Variants in FBXW8 observed in about 807,000 individuals in gnomAD.
FBXW8 encodes F-box/WD repeat-containing protein 8.
FBXW8 carries 57 observed loss-of-function variants against 65.3 expected under a neutral mutation model. The observed-to-expected ratio is 0.87, with a 90% confidence interval of 0.71 to 1.09. The LOEUF (loss-of-function observed/expected upper bound fraction) is 1.09. Among genes scored for constraint, FBXW8 ranks in the 50% least tolerant of loss-of-function variants. The pLI, the probability that FBXW8 is intolerant of heterozygous loss-of-function variation, is 0.00. For missense variants in FBXW8, 777 were observed against 814.8 expected, an observed-to-expected ratio of 0.95 and a Z score of 0.57; for synonymous variants, 308 against 330.2, an observed-to-expected ratio of 0.93 and a Z score of 0.73.
At chr12:117,022,423 G>C (rs1457898598) in intron 8 of FBXW8, among the ~76,000 whole-genome samples, 1 of 151,392 alleles carries the variant, frequency 6.6e-6, no homozygotes, top group Non-Finnish European at 1.5e-5. Flanking sequence ...AGGAGGCTGA[G>C]GTGGGTAGAT....
chr12:117,027,730 G>C (rs1469947592), intron 10 of FBXW8, among the ~76,000 whole-genome samples: 1 of 152,246 alleles, frequency 6.6e-6, no homozygotes. Context: ...GCTGTACAGA[G>C]AGGGAGGGCA....
chr12:116,917,258 A>C (rs1880502874), intron 1 of FBXW8, among the ~76,000 whole-genome samples: 1 of 152,226 alleles, frequency 6.6e-6, no homozygotes, highest in Non-Finnish European at 1.5e-5. Flanking sequence ...AGGTTAAACA[A>C]AACCTGTCAG....
chr12:117,012,108 G>C (rs1447369740), intron 8 of FBXW8, among the ~76,000 whole-genome samples: 1 of 152,102 alleles, frequency 6.6e-6, no homozygotes. Flanking sequence ...CCAATCCCCT[G>C]TGGATACTGA....
At chr12:116,929,478 A>C (rs1400386958) in intron 2 of FBXW8, among the ~76,000 whole-genome samples, 1 of 147,248 alleles carries the variant, frequency 6.8e-6, no homozygotes, top group African/African-American at 2.5e-5. Context: ...CAAGTAATCC[A>C]CCCACCTCAG....
At chr12:116,963,394 G>T (rs1884108877) in intron 4 of FBXW8, among the ~76,000 whole-genome samples, 1 of 152,090 alleles carries the variant, frequency 6.6e-6, no homozygotes, top group Admixed American at 6.5e-5. Context: ...ATCACTTGAG[G>T]CCAGGAGTTC....
intron 5 of FBXW8, among the ~76,000 whole-genome samples, chr12:116,965,402 AG>A (rs1437938086): frequency 6.6e-6 from 1 of 152,236 alleles, no homozygotes; most frequent in Non-Finnish European, 1.5e-5. Context: ...TTTTGGAACT[AG>A]GTACGAATAG....
intron 7 of FBXW8, among the ~76,000 whole-genome samples, chr12:116,992,650 G>A (rs1953272138): frequency 6.6e-6 from 1 of 152,090 alleles, no homozygotes; most frequent in Non-Finnish European, 1.5e-5. Context: ...AGAACATGCT[G>A]TATTTAGTTT....
chr12:116,993,225 T>A (rs1038737848), intron 7 of FBXW8, among the ~76,000 whole-genome samples: 2 of 143,946 alleles, frequency 1.4e-5, no homozygotes, highest in African/African-American at 5.1e-5. Context: ...AGCCTTAGCC[T>A]CCCGAGTAGC....
chr12:116,942,814 G>A, intron 2 of FBXW8, among the ~76,000 whole-genome samples: 1 of 104,676 alleles, frequency 9.6e-6, no homozygotes, highest in African/African-American at 3.8e-5. Flanking sequence ...GTCTCACTCT[G>A]TTGCCCAGGC....
intron 5 of FBXW8, among the ~76,000 whole-genome samples, chr12:116,976,873 C>G (rs1027734770): frequency 1.3e-5 from 2 of 152,074 alleles, no homozygotes; most frequent in Non-Finnish European, 2.9e-5. Flanking sequence ...GAAAGGCAGG[C>G]CTTGTTTTTC....
chr12:116,911,015 G>C lies in FBXW8; in HGVS notation c.-23G>C. ...GGCACCCGGTGGAACCGAGGAGAAC[G>C]TGGAGCGCCGGGAGCGGCGAATATG... On this transcript the variant is annotated 5_prime_UTR_variant, in exon 1 of 11. Coordinates refer to ENST00000652555, the MANE Select transcript of FBXW8 (RefSeq NM_153348.3). The C allele has an allele frequency of 1.4e-6, 2 of 1,388,634 alleles. No homozygotes were observed. Among genetic ancestry groups the C allele is most frequent in the Non-Finnish European group, 9.3e-7 (1 of 1,077,690 alleles). 86.0% of individuals were successfully genotyped at this position (1,388,634 alleles called of 1,614,324 possible). A position where few individuals can be genotyped will look rare whatever the true frequency, so the allele number is the denominator to read the frequency against.
chr12:116,985,327 TTTTG>T lies in FBXW8; in HGVS notation c.958_961del (p.Phe320MetfsTer3). 1 of 1,614,234 alleles carries T rather than the reference TTTTG, an allele frequency of 6.2e-7. No individual in the cohort carries two copies. Among genetic ancestry groups the T allele is most frequent in the Non-Finnish European group, 8.5e-7 (1 of 1,180,038 alleles). On this transcript the variant is annotated frameshift_variant, in exon 6 of 11. Transcript: ENST00000652555. LOFTEE classifies it high-confidence loss of function. ...ATGCAACCGTGGCCACAGCTTCTGCTTTTGATGTCGTGATGTTATCCCCCAATGA... is the reference window on the plus strand; with the variant it reads ...ATGCAACCGTGGCCACAGCTTCTGCTATGTCGTGATGTTATCCCCCAATGA...
rs776595850 is a variant in FBXW8, at chr12:116,916,683, A to G, written c.318+5328A>G. On this transcript the variant is annotated intron_variant, in intron 1 of 10. Transcript: ENST00000652555. ...GGAGTTGAGGCAGGAGGATCACCTT[A>G]GCCCAGGAGTTTGAGACCAGCCTGG... is the stretch of plus-strand genomic sequence containing the variant. 9.2e-5 allele frequency among the ~76,000 whole-genome samples: 14 copies of G among 152,200 alleles called. No individual in the cohort carries two copies. In the South Asian group the frequency reaches 1.4e-3, roughly 16 times the overall value.
At chr12:117,016,916 C>T (rs1290794712) in intron 8 of FBXW8, among the ~76,000 whole-genome samples, 2 of 152,202 alleles carry the variant, frequency 1.3e-5, no homozygotes, top group Non-Finnish European at 2.9e-5. Flanking sequence ...ATTGTCTTGG[C>T]ACCACTGTTG....
intron 5 of FBXW8, among the ~76,000 whole-genome samples, chr12:116,979,796 AC>A (rs933952011): frequency 2.7e-5 from 4 of 150,746 alleles, no homozygotes; most frequent in South Asian, 2.1e-4. Context: ...AAAAAAAAAA[AC>A]ACTTGCTTCT....
At chr12:116,928,592 G>T (rs767061996) in intron 2 of FBXW8, among the ~76,000 whole-genome samples, 9 of 152,112 alleles carry the variant, frequency 5.9e-5, no homozygotes, top group Non-Finnish European at 1.3e-4. Context: ...TAAACTTTAG[G>T]ATCTCACTCA....
rs537978133 is a variant in FBXW8, at chr12:116,911,282, G to C, written c.245G>C (p.Arg82Pro). 244 of 1,264,214 alleles carry C rather than the reference G, an allele frequency of 1.9e-4. No individual in the cohort carries two copies. The Admixed American group carries it at 4.7e-3, about 25-fold the overall frequency. 78.3% of individuals were successfully genotyped at this position (1,264,214 alleles called of 1,614,324 possible). Reference sequence around the variant, plus strand: ...GCCGAGGGGCAGGACGTAGCGAGCCGCTCACGTTCTCCTCTGGCCCGCGAG... The same window carrying C: ...GCCGAGGGGCAGGACGTAGCGAGCCCCTCACGTTCTCCTCTGGCCCGCGAG... Reference protein sequence around the residue: ...TRAEGQDVASRSRSPLAREGA... With the variant: ...TRAEGQDVASPSRSPLAREGA... Residue 82 changes from arginine (R) to proline (P), a missense_variant, in exon 1 of 11, where the codon CGC becomes CCC. Coordinates refer to ENST00000652555, the MANE Select transcript of FBXW8 (RefSeq NM_153348.3).
At position 116,940,856 on chromosome 12, in the gene FBXW8, T is replaced by C. The variant is rs116726898; in HGVS notation, c.424-4508T>C. ...CCCATATTTGAGGTGTTATTGAGTC[T>C]TGAGTACCACATTTGAAGAGGGACA... is the stretch of plus-strand genomic sequence containing the variant. On this transcript the variant is annotated intron_variant, in intron 2 of 10. Transcript: ENST00000652555. 5.5e-3 allele frequency among the ~76,000 whole-genome samples: 830 copies of C among 152,252 alleles called. 11 individuals carry two copies. The highest frequency in any genetic ancestry group is 0.019 in the African/African-American group (801 of 41,544).
intron 7 of FBXW8, among the ~76,000 whole-genome samples, chr12:117,004,619 A>G (rs1054494267): frequency 6.6e-6 from 1 of 152,108 alleles, no homozygotes; most frequent in South Asian, 2.1e-4. Flanking sequence ...ACTGTTTTCC[A>G]CCCCGAACTG....
Sources: gnomAD v4.1 joint callset for allele counts (sites outside exome capture counted in the v4.1 genomes callset) on GRCh38, gnomAD v4.1.1 for gene constraint, MANE v1.5 for transcripts, NCBI Gene and HGNC (gene_info 2026-07-23, HGNC 2026-07-21) for gene names.